Variants in KRTAP5-2 observed in about 807,000 individuals in gnomAD.
KRTAP5-2 encodes the protein keratin associated protein 5-2.
For synonymous variants in KRTAP5-2, 79 were observed against 82.7 expected (o/e 0.96, Z 0.24); for missense variants, 188 against 212.8 (o/e 0.88, Z 0.73).
chr11:1,597,416 C>A lies in KRTAP5-2; in HGVS notation c.*301G>T. On this transcript the variant is annotated 3_prime_UTR_variant, in exon 1 of 1. Transcript: ENST00000412090. ...GTGGGGTCAGACCTTGCATCTCAGT[C>A]AGCCCAGGGAGAAGAAGAAGATGGT... 1 of 472,614 alleles carries A rather than the reference C, an allele frequency of 2.1e-6. No homozygotes were observed. Among genetic ancestry groups the A allele is most frequent in the Non-Finnish European group, 4.0e-6 (1 of 252,296 alleles). 29.3% of individuals were successfully genotyped at this position (472,614 alleles called of 1,614,324 possible). A position where few individuals can be genotyped will look rare whatever the true frequency, so the allele number is the denominator to read the frequency against.
Position 1,597,630 on chromosome 11 carries a change from G to A in KRTAP5-2, c.*87C>T, listed in dbSNP as rs1460690865. The A allele has an allele frequency of 1.3e-6, 2 of 1,584,092 alleles. No individual in the cohort carries two copies. The highest frequency in any genetic ancestry group is 3.4e-5 in the Admixed American group (2 of 59,000). On this transcript the variant is annotated 3_prime_UTR_variant, in exon 1 of 1. Transcript: ENST00000412090. ...GCTAGAGCAGGTGCAGGTGCCTCAG[G>A]GAGGATGTGTGGGACGAACTGACTC... is the stretch of plus-strand genomic sequence containing the variant.
Position 1,598,183 on chromosome 11 carries a change from C to T in KRTAP5-2, c.68G>A (p.Gly23Asp), listed in dbSNP as rs761137982. 10 of 1,593,828 alleles carry T rather than the reference C, an allele frequency of 6.3e-6. No homozygotes were observed. Among genetic ancestry groups the T allele is most frequent in the Non-Finnish European group, 8.6e-6 (10 of 1,166,520 alleles). ...GCGGCGSSCG[G>D]CGSGCGGCGS... ...ACAGCCCCCACAGCCAGAGCCACAA[C>T]CCCCACAGCTGGAGCCACAGCCCCC... Residue 23 changes from glycine to aspartate, a missense_variant, in exon 1 of 1, where the codon GGT (glycine) becomes GAT (aspartate). Transcript: ENST00000412090.
rs750071358 is a variant in KRTAP5-2, at chr11:1,597,870, G to T, written c.381C>A (p.Gly127=). ...SCCKPCCCSS[G]CGSSCCQSSC... ...TGGACTGGCAGCAGGATGATCCACA[G>T]CCTGAGGAGCAGCAACAGGGCTTAC... The change falls in exon 1 of 1, where the codon GGC becomes GGA. Residue 127 remains glycine (G), a synonymous_variant. Coordinates refer to ENST00000412090, the MANE Select transcript of KRTAP5-2 (RefSeq NM_001004325.2). 6.2e-7 allele frequency: 1 copy of T among 1,613,974 alleles called. No homozygotes were observed. The highest frequency in any genetic ancestry group is 8.5e-7 in the Non-Finnish European group (1 of 1,179,974).
chr11:1,597,577 T>G lies in KRTAP5-2; in HGVS notation c.*140A>C. 3 of 1,337,362 alleles carry G rather than the reference T, an allele frequency of 2.2e-6. No individual in the cohort carries two copies. Among genetic ancestry groups the G allele is most frequent in the Non-Finnish European group, 3.1e-6 (3 of 958,488 alleles). The allele number at this position is 1,337,362 out of a possible 1,614,324, so 82.8% of individuals were successfully genotyped here. ...CAGGGCCCAGAGGAGAGCTGAGCCA[T>G]GGAAGGAGGTGTGTGCATGGATGGT... is the stretch of plus-strand genomic sequence containing the variant. On this transcript the variant is annotated 3_prime_UTR_variant, in exon 1 of 1. Coordinates refer to ENST00000412090, the MANE Select transcript of KRTAP5-2 (RefSeq NM_001004325.2).
At position 1,598,224 on chromosome 11, in the gene KRTAP5-2, G is replaced by A. The variant is rs780906924; in HGVS notation, c.27C>T (p.Gly9=). The change falls in exon 1 of 1, where the codon GGC becomes GGT. Residue 9 remains glycine (G), a synonymous_variant. Coordinates refer to ENST00000412090, the MANE Select transcript of KRTAP5-2 (RefSeq NM_001004325.2). ...CACAGCCCCCACAGCCGGAGCCACA[G>A]CCTCTGGAGCAGCCACAGCAGCCCA... MGCCGCSR[G]CGSGCGGCGS... is the part of the protein sequence containing the mutation. The A allele has an allele frequency of 1.9e-6, 3 of 1,612,094 alleles. No individual in the cohort carries two copies. Among genetic ancestry groups the A allele is most frequent in the Non-Finnish European group, 2.5e-6 (3 of 1,179,790 alleles).
rs1175389072 is a variant in KRTAP5-2 at position 1,597,955 on chromosome 11, C to A, written c.296G>T (p.Gly99Val). ...GCCCCCCTTGGAACCCCCACAGGAG[C>A]CACAGCCCCCCTTGGAGCCCCCACA... ...GSCGGSKGGC[G>V]SCGGSKGGCG... The change falls in exon 1 of 1, where the codon GGC becomes GTC. Residue 99 changes from glycine (G) to valine (V), a missense_variant. By Grantham distance (109) the Gly-to-Val change is moderately radical. Coordinates refer to ENST00000412090, the MANE Select transcript of KRTAP5-2 (RefSeq NM_001004325.2). 7 of 416,610 alleles carry A rather than the reference C, an allele frequency of 1.7e-5. No individual in the cohort carries two copies. Among genetic ancestry groups the A allele is most frequent in the East Asian group, 6.7e-5 (1 of 14,956 alleles). 25.8% of individuals were successfully genotyped at this position (416,610 alleles called of 1,614,324 possible). A position where few individuals can be genotyped will look rare whatever the true frequency, so the allele number is the denominator to read the frequency against.
In KRTAP5-2 at chr11:1,597,909, G is replaced by A. The variant is rs779889964; in HGVS notation, c.342C>T (p.Ser114=). ...AACAGGGCTTACAACAGCTGGACTG[G>A]GAGCAGCCACAAGAACCACAGCCCC... The part of the protein sequence containing the change: ...SKGGCGSCGC[S]QSSCCKPCCC... Residue 114 remains serine (S), a synonymous_variant, in exon 1 of 1, where the codon TCC becomes TCT. Transcript: ENST00000412090. The A allele has an allele frequency of 5.0e-6, 8 of 1,613,874 alleles. No individual in the cohort carries two copies. The highest frequency in any genetic ancestry group is 5.9e-6 in the Non-Finnish European group (7 of 1,179,912).
Position 1,598,166 on chromosome 11 carries a change from C to T in KRTAP5-2, c.85G>A (p.Gly29Arg), listed in dbSNP as rs35925287. 0.079 allele frequency: 127,309 copies of T among 1,602,292 alleles called. 5,139 individuals carry two copies. Among genetic ancestry groups the T allele is most frequent in the East Asian group, 0.12 (5,156 of 44,568 alleles). Residue 29 changes from glycine to arginine, a missense_variant, in exon 1 of 1, where the codon GGG becomes AGG. Gly to Arg is a moderately radical substitution (Grantham distance 125). Coordinates refer to ENST00000412090, the MANE Select transcript of KRTAP5-2 (RefSeq NM_001004325.2). ...SSCGGCGSGC[G>R]GCGSGRGGCG... ...CCCCCACGGCCGGAGCCACAGCCCC[C>T]ACAGCCAGAGCCACAACCCCCACAG...
At position 1,597,541 on chromosome 11, in the gene KRTAP5-2, G is replaced by A; in HGVS notation, c.*176C>T. 2.9e-6 allele frequency: 3 copies of A among 1,043,898 alleles called. No individual in the cohort carries two copies. The highest frequency in any genetic ancestry group is 2.5e-5 in the East Asian group (1 of 39,392). 64.7% of individuals were successfully genotyped at this position (1,043,898 alleles called of 1,614,324 possible). A position where few individuals can be genotyped will look rare whatever the true frequency, so the allele number is the denominator to read the frequency against. ...GGGAAACACACGTTTCTGGAGTGAGGAGGCTGAAGGCAGGGCCCAGAGGAG... is the reference window on the plus strand; with the variant it reads ...GGGAAACACACGTTTCTGGAGTGAGAAGGCTGAAGGCAGGGCCCAGAGGAG... On this transcript the variant is annotated 3_prime_UTR_variant, in exon 1 of 1. Transcript: ENST00000412090.
chr11:1,598,037 C>A lies in KRTAP5-2; in HGVS notation c.214G>T (p.Ala72Ser), dbSNP rs1427169042. ...GAGCCACAGCTGGTGCAGGAACAGG[C>A]TGGCACCCAGGAGCACACGGGCTTG... ...CCKPVCSWVPACSCTSCGSCG... is the reference protein window; with the variant it reads ...CCKPVCSWVPSCSCTSCGSCG... The change falls in exon 1 of 1, where the codon GCC (alanine) becomes TCC (serine). Residue 72 changes from alanine (A) to serine (S), a missense_variant. Ala to Ser is a moderately conservative substitution (Grantham distance 99). Coordinates refer to ENST00000412090, the MANE Select transcript of KRTAP5-2 (RefSeq NM_001004325.2). 2 of 1,605,818 alleles carry A rather than the reference C, an allele frequency of 1.2e-6. No homozygotes were observed. Among genetic ancestry groups the A allele is most frequent in the African/African-American group, 2.8e-5 (2 of 72,138 alleles).
At position 1,597,679 on chromosome 11, in the gene KRTAP5-2, A is replaced by T. The variant is rs1849303260; in HGVS notation, c.*38T>A. The T allele has an allele frequency of 6.2e-7, 1 of 1,612,080 alleles. No individual in the cohort carries two copies. The highest frequency in any genetic ancestry group is 2.2e-5 in the East Asian group (1 of 44,838). On this transcript the variant is annotated 3_prime_UTR_variant, in exon 1 of 1. Coordinates refer to ENST00000412090, the MANE Select transcript of KRTAP5-2 (RefSeq NM_001004325.2). ...TCAGGGAACCATAAGAAATGCTTTC[A>T]CCAAACAGGAGAAACCTGAAGGTCT...
In KRTAP5-2 at chr11:1,597,474, C is replaced by T. The variant is rs1296530308; in HGVS notation, c.*243G>A. 22 of 641,406 alleles carry T rather than the reference C, an allele frequency of 3.4e-5. No individual in the cohort carries two copies. The highest frequency in any genetic ancestry group is 2.0e-4 in the South Asian group (10 of 49,812). 39.7% of individuals were successfully genotyped at this position (641,406 alleles called of 1,614,324 possible). ...CAAGTGCAGGGAACATCGTGGCAGT[C>T]GGCTGGGTGCCTGCGTCCAGGCGAG... On this transcript the variant is annotated 3_prime_UTR_variant, in exon 1 of 1. Transcript: ENST00000412090.
Position 1,597,936 on chromosome 11 carries a change from C to T in KRTAP5-2, c.315G>A (p.Lys105=), listed in dbSNP as rs766128627. 1 of 1,610,288 alleles carries T rather than the reference C, an allele frequency of 6.2e-7. No homozygotes were observed. The highest frequency in any genetic ancestry group is 1.3e-5 in the African/African-American group (1 of 74,134). ...KGGCGSCGGS[K]GGCGSCGCSQ... ...AGCAGCCACAAGAACCACAGCCCCCCTTGGAACCCCCACAGGAGCCACAGC... is the reference window on the plus strand; with the variant it reads ...AGCAGCCACAAGAACCACAGCCCCCTTTGGAACCCCCACAGGAGCCACAGC... Residue 105 remains lysine, a synonymous_variant, in exon 1 of 1, where the codon AAG becomes AAA. Coordinates refer to ENST00000412090, the MANE Select transcript of KRTAP5-2 (RefSeq NM_001004325.2).
Position 1,597,520 on chromosome 11 carries a change from AAC to A in KRTAP5-2, c.*195_*196del, listed in dbSNP as rs1849301471. ...GCGAGGACACCTCCCGCATCAGGGA[AAC>A]ACACGTTTCTGGAGTGAGGAGGCTG... On this transcript the variant is annotated 3_prime_UTR_variant, in exon 1 of 1. Coordinates refer to ENST00000412090, the MANE Select transcript of KRTAP5-2 (RefSeq NM_001004325.2). 2 of 897,688 alleles carry A rather than the reference AAC, an allele frequency of 2.2e-6. No individual in the cohort carries two copies. Among genetic ancestry groups the A allele is most frequent in the African/African-American group, 1.7e-5 (1 of 59,142 alleles). 55.6% of individuals were successfully genotyped at this position (897,688 alleles called of 1,614,324 possible). A position where few individuals can be genotyped will look rare whatever the true frequency, so the allele number is the denominator to read the frequency against.
chr11:1,597,496 C>T lies in KRTAP5-2; in HGVS notation c.*221G>A, dbSNP rs967125674. The T allele has an allele frequency of 9.3e-6, 7 of 749,824 alleles. No individual in the cohort carries two copies. Among genetic ancestry groups the T allele is most frequent in the African/African-American group, 7.1e-5 (4 of 56,304 alleles). The allele number at this position is 749,824 out of a possible 1,614,324, so 46.4% of individuals were successfully genotyped here. On this transcript the variant is annotated 3_prime_UTR_variant, in exon 1 of 1. Coordinates refer to ENST00000412090, the MANE Select transcript of KRTAP5-2 (RefSeq NM_001004325.2). ...AGTCGGCTGGGTGCCTGCGTCCAGG[C>T]GAGGACACCTCCCGCATCAGGGAAA...
At position 1,597,817 on chromosome 11, in the gene KRTAP5-2, G is replaced by T. The variant is rs549098367; in HGVS notation, c.434C>A (p.Ser145Tyr). Residue 145 changes from serine to tyrosine, a missense_variant, in exon 1 of 1, where the codon TCC becomes TAC. Physicochemically the swap from Ser to Tyr is moderately radical, Grantham distance 144. Coordinates refer to ENST00000412090, the MANE Select transcript of KRTAP5-2 (RefSeq NM_001004325.2). ...GCAGCACACGGGGACACAGCAGCTG[G>T]ACTGGCAGCAGCAGGGCTTGCAGCA... ...SSCCKPCCCQ[S>Y]SCCVPVCCQS... is the part of the protein sequence containing the mutation. 2 of 1,613,730 alleles carry T rather than the reference G, an allele frequency of 1.2e-6. No homozygotes were observed. Among genetic ancestry groups the T allele is most frequent in the East Asian group, 4.5e-5 (2 of 44,862 alleles).
rs141027563 is a variant in KRTAP5-2 at position 1,597,800 on chromosome 11, C to G, written c.451G>C (p.Val151Leu). ...TTGCAGCAGCTGGACTGGCAGCACA[C>G]GGGGACACAGCAGCTGGACTGGCAG... ...CCCQSSCCVP[V>L]CCQSSCCKPC... The change falls in exon 1 of 1, where the codon GTG becomes CTG. Residue 151 changes from valine (V) to leucine (L), a missense_variant. Val to Leu is a conservative substitution (Grantham distance 32). Transcript: ENST00000412090. 28 of 1,613,424 alleles carry G rather than the reference C, an allele frequency of 1.7e-5. No individual in the cohort carries two copies. Among genetic ancestry groups the G allele is most frequent in the Non-Finnish European group, 2.4e-5 (28 of 1,179,826 alleles).
chr11:1,597,337 T>G lies in KRTAP5-2; in HGVS notation c.*380A>C. ...GGCCCAGGAGGATCCAGGGTCCTGATGGTGGTTGAGAAGCTGGTTCTTAGT... is the reference window on the plus strand; with the variant it reads ...GGCCCAGGAGGATCCAGGGTCCTGAGGGTGGTTGAGAAGCTGGTTCTTAGT... On this transcript the variant is annotated 3_prime_UTR_variant, in exon 1 of 1. Coordinates refer to ENST00000412090, the MANE Select transcript of KRTAP5-2 (RefSeq NM_001004325.2). The G allele has an allele frequency of 3.4e-6, 1 of 295,982 alleles. No homozygotes were observed. The highest frequency in any genetic ancestry group is 6.6e-6 in the Non-Finnish European group (1 of 151,954). 18.3% of individuals were successfully genotyped at this position (295,982 alleles called of 1,614,324 possible).
chr11:1,597,348 A>C lies in KRTAP5-2; in HGVS notation c.*369T>G, dbSNP rs912819864. ...ATCCAGGGTCCTGATGGTGGTTGAG[A>C]AGCTGGTTCTTAGTGATCACTCAGA... On this transcript the variant is annotated 3_prime_UTR_variant, in exon 1 of 1. Transcript: ENST00000412090. The C allele has an allele frequency of 6.5e-6, 2 of 306,872 alleles. No individual in the cohort carries two copies. Among genetic ancestry groups the C allele is most frequent in the African/African-American group, 4.2e-5 (2 of 47,112 alleles). 19.0% of individuals were successfully genotyped at this position (306,872 alleles called of 1,614,324 possible).
Sources: gnomAD v4.1 joint callset for allele counts on GRCh38, gnomAD v4.1.1 for gene constraint, MANE v1.5 for transcripts, NCBI Gene and HGNC (gene_info 2026-07-23, HGNC 2026-07-21) for gene names.